ARPP19: variants seen among roughly 807,000 people sequenced by gnomAD.
The protein encoded by ARPP19 is cAMP-regulated phosphoprotein 19.
ARPP19 carries 8 observed loss-of-function variants against 12.0 expected under a neutral mutation model. That is an observed-to-expected ratio of 0.67 (90% CI 0.39 to 1.21). The LOEUF (loss-of-function observed/expected upper bound fraction) is 1.21. ARPP19 is among the 50% of genes most tolerant of loss of function. ARPP19 has a pLI of 0.01. For missense variants in ARPP19, 102 were observed against 136.3 expected (o/e 0.75, Z 1.25); for synonymous variants, 47 against 50.4 (o/e 0.93, Z 0.29).
In ARPP19 at chr15:52,551,943, C is replaced by A. The variant is rs571088882; in HGVS notation, c.330G>T (p.Leu110=). 3.7e-6 allele frequency: 6 copies of A among 1,612,474 alleles called. No homozygotes were observed. Among genetic ancestry groups the A allele is most frequent in the Middle Eastern group, 1.6e-4 (1 of 6,080 alleles). Residue 110 remains leucine, a synonymous_variant, in exon 3 of 3, where the codon CTG becomes CTT. Transcript: ENST00000249822. ...CAGTTCAGCCTCTTAATCAGCCAGC[C>A]AGCTTGCTAGCAACAAGGGACGGCT... ...QRKPSLVASK[L]AG
chr15:52,563,934 A>G (rs925467551), intron 1 of ARPP19, among the ~76,000 whole-genome samples: 12 of 152,214 alleles, frequency 7.9e-5, no homozygotes, highest in African/African-American at 2.9e-4. Flanking sequence ...ATGTTCAATA[A>G]AAGTTCATTC....
intron 1 of ARPP19, among the ~76,000 whole-genome samples, chr15:52,558,670 G>A (rs752857628): frequency 2.0e-5 from 3 of 150,302 alleles, no homozygotes; most frequent in Non-Finnish European, 2.9e-5. Context: ...ATCCATAAAT[G>A]TCAAACCTAT....
intron 1 of ARPP19, chr15:52,564,077 G>T: frequency 1.5e-6 from 1 of 681,722 alleles, no homozygotes; most frequent in Non-Finnish European, 2.5e-6. Context: ...TTCTGGATTA[G>T]AAGTTAAGTA....
At position 52,552,583 on chromosome 15, in the gene ARPP19, CAAAAAAAA is replaced by C. The variant is rs10600080; in HGVS notation, c.169-487_169-480del. On this transcript the variant is annotated intron_variant, in intron 2 of 2. Transcript: ENST00000249822. ...AGCCTGGGCAACAGAGACTGTCTCA[CAAAAAAAA>C]AAAAAAAAAAAAAAAAAAGAACCTG... 1.7e-3 allele frequency among the ~76,000 whole-genome samples: 101 copies of C among 59,690 alleles called. 1 individual carries two copies. Among genetic ancestry groups the C allele is most frequent in the Middle Eastern group, 9.6e-3 (1 of 104 alleles). The allele number at this position is 59,690 out of a possible 152,430, so 39.2% of individuals were successfully genotyped here. A position where few individuals can be genotyped will look rare whatever the true frequency, so the allele number is the denominator to read the frequency against.
chr15:52,563,017 A>G (rs1448843159), intron 1 of ARPP19, among the ~76,000 whole-genome samples: 3 of 151,894 alleles, frequency 2.0e-5, no homozygotes, highest in South Asian at 2.1e-4. Flanking sequence ...CTGGGATTAC[A>G]GGTGCCCATC....
upstream of ARPP19, chr15:52,569,182 C>T: frequency 2.2e-6 from 1 of 446,624 alleles, no homozygotes; most frequent in Non-Finnish European, 3.9e-6. Flanking sequence ...GTCGCCGCTC[C>T]TGCCTCACCT....
chr15:52,566,819 A>T (rs948464966), intron 1 of ARPP19, among the ~76,000 whole-genome samples: 1 of 152,224 alleles, frequency 6.6e-6, no homozygotes, highest in Non-Finnish European at 1.5e-5. Flanking sequence ...TTCCTAATAC[A>T]AGACAGGAAT....
chr15:52,568,982 G>C lies in ARPP19; in HGVS notation c.-90C>G. 2 of 920,950 alleles carry C rather than the reference G, an allele frequency of 2.2e-6. No homozygotes were observed. Among genetic ancestry groups the C allele is most frequent in the South Asian group, 3.2e-5 (2 of 63,460 alleles). The allele number at this position is 920,950 out of a possible 1,614,324, so 57.0% of individuals were successfully genotyped here. A position where few individuals can be genotyped will look rare whatever the true frequency, so the allele number is the denominator to read the frequency against. On this transcript the variant is annotated 5_prime_UTR_variant, in exon 1 of 3. Transcript: ENST00000249822. The stretch of plus-strand genomic sequence containing the variant: ...GCCGCCGCCCGTCCCAGCTCTCCCA[G>C]GGCCCGCCGGGCCGCCTCCGCCCGC...
At chr15:52,561,963 A>G (rs1043198278) in intron 1 of ARPP19, among the ~76,000 whole-genome samples, 7 of 140,132 alleles carry the variant, frequency 5.0e-5, no homozygotes, top group South Asian at 2.3e-4. Context: ...TTTTATTAAG[A>G]TACATGGTCT....
At chr15:52,557,934 A>G (rs963950539) in intron 1 of ARPP19, among the ~76,000 whole-genome samples, 2 of 152,136 alleles carry the variant, frequency 1.3e-5, no homozygotes, top group African/African-American at 2.4e-5. Context: ...ACATCTATGT[A>G]TATCATTGCC....
intron 1 of ARPP19, among the ~76,000 whole-genome samples, chr15:52,565,398 T>G (rs1053726049): frequency 2.0e-5 from 3 of 152,236 alleles, no homozygotes; most frequent in African/African-American, 7.2e-5. Context: ...AGCTTACTGC[T>G]GATAGATTCA....
At chr15:52,559,926 G>A (rs1201379644) in intron 1 of ARPP19, among the ~76,000 whole-genome samples, 1 of 152,176 alleles carries the variant, frequency 6.6e-6, no homozygotes, top group Non-Finnish European at 1.5e-5. Context: ...CAAATTAAGG[G>A]TGTTACTGGA....
chr15:52,561,111 G>A (rs1265521450), intron 1 of ARPP19, among the ~76,000 whole-genome samples: 1 of 152,160 alleles, frequency 6.6e-6, no homozygotes, highest in Non-Finnish European at 1.5e-5. Flanking sequence ...ACTGATAAAA[G>A]CAGGTAAAAT....
intron 1 of ARPP19, among the ~76,000 whole-genome samples, chr15:52,563,777 T>C (rs903180236): frequency 2.0e-5 from 3 of 152,208 alleles, no homozygotes; most frequent in Non-Finnish European, 4.4e-5. Context: ...GATGCACTGA[T>C]TGACGAATAA....
intron 1 of ARPP19, among the ~76,000 whole-genome samples, chr15:52,561,596 A>T (rs2078032861): frequency 6.6e-6 from 1 of 152,098 alleles, no homozygotes; most frequent in Non-Finnish European, 1.5e-5. Context: ...TTTCAAGGGG[A>T]ACCAATTAAA....
At chr15:52,561,041 C>A (rs1369140573) in intron 1 of ARPP19, among the ~76,000 whole-genome samples, 1 of 152,224 alleles carries the variant, frequency 6.6e-6, no homozygotes, top group Non-Finnish European at 1.5e-5. Context: ...CCCTAAAAAT[C>A]ATATTCCTTC....
intron 1 of ARPP19, among the ~76,000 whole-genome samples, chr15:52,557,944 C>T (rs1456798201): frequency 6.6e-6 from 1 of 152,116 alleles, no homozygotes; most frequent in Non-Finnish European, 1.5e-5. Context: ...ATATCATTGC[C>T]TAACTCTCCC....
chr15:52,569,065 C>T (rs1020326917), upstream of ARPP19: 1 of 576,028 alleles, frequency 1.7e-6, no homozygotes, highest in Non-Finnish European at 3.0e-6. Context: ...CTGGCCAAGG[C>T]CCTCGCACGC....
chr15:52,549,070 C>T lies in ARPP19; in HGVS notation c.*2864G>A, dbSNP rs150341705. The T allele has an allele frequency of 1.7e-4, 26 of 152,380 alleles. No homozygotes were observed. The highest frequency in any genetic ancestry group is 1.5e-3 in the East Asian group (8 of 5,190). The allele number at this position is 152,380 out of a possible 1,614,324, so 9.4% of individuals were successfully genotyped here. On this transcript the variant is annotated 3_prime_UTR_variant, in exon 3 of 3. Coordinates refer to ENST00000249822, the MANE Select transcript of ARPP19 (RefSeq NM_006628.6). Reference sequence around the variant, plus strand: ...TTGCTGAGAACCATGTCAGATGCTGCGTTCAAGAATGAAATGTTCCTCAAA... The same window carrying T: ...TTGCTGAGAACCATGTCAGATGCTGTGTTCAAGAATGAAATGTTCCTCAAA...
Sources: allele counts gnomAD v4.1 joint callset (sites outside exome capture counted in the v4.1 genomes callset), GRCh38; gene constraint gnomAD v4.1.1; transcripts MANE v1.5; gene names NCBI Gene and HGNC (gene_info 2026-07-23, HGNC 2026-07-21).